Variants in SNTG2 observed in about 807,000 individuals in gnomAD.
SNTG2 encodes the protein gamma-2-syntrophin.
Under a neutral mutation model 70.9 loss-of-function variants are expected in SNTG2, and 74 were observed. The observed-to-expected ratio is 1.04, with a 90% CI of 0.86 to 1.27. The LOEUF is 1.27. Ranked by LOEUF, SNTG2 falls within the 50% of genes most tolerant of loss-of-function variation. The pLI is 0.00. For synonymous variants in SNTG2, 278 were observed against 273.8 expected (o/e 1.02, Z -0.15); for missense variants, 717 against 690.7 (o/e 1.04, Z -0.43).
intron 14 of SNTG2, among the ~76,000 whole-genome samples, chr2:1,277,305 T>C (rs1679307843): frequency 6.6e-6 from 1 of 152,172 alleles, no homozygotes; most frequent in Non-Finnish European, 1.5e-5. Flanking sequence ...TGTTGTCTTA[T>C]CTTAAGAAAC....
intron 8 of SNTG2, among the ~76,000 whole-genome samples, chr2:1,198,914 C>A (rs1673105531): frequency 6.6e-6 from 1 of 151,962 alleles, no homozygotes; most frequent in Admixed American, 6.6e-5. Context: ...AAAGAAAGCC[C>A]AGGACTGGAT....
intron 1 of SNTG2, among the ~76,000 whole-genome samples, chr2:981,421 A>G (rs1661090321): frequency 6.6e-6 from 1 of 150,680 alleles, no homozygotes. Context: ...CACTTCCACA[A>G]GCACATGTGC....
intron 9 of SNTG2, among the ~76,000 whole-genome samples, chr2:1,221,418 T>C (rs1165851674): frequency 6.6e-6 from 1 of 150,750 alleles, no homozygotes; most frequent in Non-Finnish European, 1.5e-5. Flanking sequence ...AGTCTCTGGT[T>C]TTGTCTCTGT....
chr2:1,062,575 C>T (rs1024252295), intron 1 of SNTG2, among the ~76,000 whole-genome samples: 1 of 152,130 alleles, frequency 6.6e-6, no homozygotes. Context: ...ATTGTATCTC[C>T]AAAGTGTAAC....
At chr2:1,178,560 T>A (rs1279589442) in intron 8 of SNTG2, among the ~76,000 whole-genome samples, 5 of 152,174 alleles carry the variant, frequency 3.3e-5, no homozygotes, top group Non-Finnish European at 5.9e-5. Flanking sequence ...ATTGAGATAA[T>A]CATGTGGTTT....
At chr2:964,515 G>A (rs956442363) in intron 1 of SNTG2, among the ~76,000 whole-genome samples, 13 of 152,216 alleles carry the variant, frequency 8.5e-5, no homozygotes, top group South Asian at 2.1e-4. Context: ...CAGGAAATGT[G>A]TTAGGGAGGT....
chr2:1,033,151 C>T (rs1038051570), intron 1 of SNTG2, among the ~76,000 whole-genome samples: 2 of 152,210 alleles, frequency 1.3e-5, no homozygotes, highest in African/African-American at 4.8e-5. Context: ...CAGGTTCCAT[C>T]TCCAACATTG....
At chr2:1,320,268 C>T (rs1681458298) in intron 16 of SNTG2, among the ~76,000 whole-genome samples, 1 of 152,032 alleles carries the variant, frequency 6.6e-6, no homozygotes, top group Non-Finnish European at 1.5e-5. Flanking sequence ...GGCATGGTGG[C>T]TCATGCCTGT....
intron 1 of SNTG2, among the ~76,000 whole-genome samples, chr2:1,075,768 T>C (rs1006477710): frequency 1.1e-4 from 17 of 152,180 alleles, no homozygotes; most frequent in Admixed American, 1.0e-3. Context: ...TTCTTTCTTG[T>C]GCCAAAAAAT....
intron 9 of SNTG2, among the ~76,000 whole-genome samples, chr2:1,232,548 T>C (rs908286533): frequency 6.6e-6 from 1 of 152,164 alleles, no homozygotes; most frequent in African/African-American, 2.4e-5. Flanking sequence ...TCTGCTGGCC[T>C]CAGCCTCTCA....
intron 4 of SNTG2, among the ~76,000 whole-genome samples, chr2:1,109,819 G>A (rs1009719807): frequency 1.3e-5 from 2 of 152,222 alleles, no homozygotes; most frequent in African/African-American, 2.4e-5. Flanking sequence ...GTATATTCGG[G>A]AGACAAATGG....
intron 1 of SNTG2, among the ~76,000 whole-genome samples, chr2:1,031,602 C>T (rs1466417155): frequency 7.0e-6 from 1 of 143,354 alleles, no homozygotes; most frequent in Non-Finnish European, 1.5e-5. Flanking sequence ...GCGATCTTGG[C>T]TCACTGCAAC....
Position 1,307,101 on chromosome 2 carries a change from G to A in SNTG2, c.1285-1393G>A, listed in dbSNP as rs909983977. On this transcript the variant is annotated intron_variant, in intron 14 of 16. Coordinates refer to ENST00000308624, the MANE Select transcript of SNTG2 (RefSeq NM_018968.4). ...TGTGTGAGTGTGTGAACCATGCACTGTGTGTGTGTGGTGTGTGAGCCATGT... is the reference window on the plus strand; with the variant it reads ...TGTGTGAGTGTGTGAACCATGCACTATGTGTGTGTGGTGTGTGAGCCATGT... Among the ~76,000 whole-genome samples the A allele has an allele frequency of 2.7e-5, 4 of 149,442 alleles. No homozygotes were observed. The South Asian group carries it at 6.4e-4, about 24-fold the overall frequency.
intron 8 of SNTG2, among the ~76,000 whole-genome samples, chr2:1,173,553 G>A (rs527285017): frequency 6.6e-6 from 1 of 152,250 alleles, no homozygotes; most frequent in African/African-American, 2.4e-5. Context: ...ACCTAAGGAG[G>A]TATGAACACT....
At chr2:986,261 G>A (rs1661320881) in intron 1 of SNTG2, among the ~76,000 whole-genome samples, 1 of 152,256 alleles carries the variant, frequency 6.6e-6, no homozygotes, top group Admixed American at 6.5e-5. Flanking sequence ...TGTGGCCCCT[G>A]GGGTGGCCTC....
At chr2:1,070,985 G>A (rs1294397287) in intron 1 of SNTG2, among the ~76,000 whole-genome samples, 1 of 152,056 alleles carries the variant, frequency 6.6e-6, no homozygotes, top group Non-Finnish European at 1.5e-5. Context: ...TGTCACTGGG[G>A]GGTGGCCACA....
intron 1 of SNTG2, among the ~76,000 whole-genome samples, chr2:1,010,280 C>T (rs533940179): frequency 6.6e-6 from 1 of 152,268 alleles, no homozygotes; most frequent in East Asian, 1.9e-4. Context: ...CAGTAAAAGT[C>T]AACCTACTTG....
intron 16 of SNTG2, among the ~76,000 whole-genome samples, chr2:1,333,582 C>A (rs891256636): frequency 1.3e-5 from 2 of 152,040 alleles, no homozygotes; most frequent in African/African-American, 4.8e-5. Context: ...GGTACTAGTA[C>A]AAAAACAGAC....
At chr2:1,006,875 C>T (rs564461260) in intron 1 of SNTG2, among the ~76,000 whole-genome samples, 6 of 151,876 alleles carry the variant, frequency 4.0e-5, no homozygotes, top group African/African-American at 1.4e-4. Flanking sequence ...ACTAAAAGTA[C>T]AATATTAGCC....
Sources: allele counts gnomAD v4.1 joint callset (sites outside exome capture counted in the v4.1 genomes callset), GRCh38; gene constraint gnomAD v4.1.1; transcripts MANE v1.5; gene names NCBI Gene and HGNC (gene_info 2026-07-23, HGNC 2026-07-21).